The following DIS3L2 variants were observed in gnomAD, a reference collection of about 807,000 sequenced individuals.
DIS3L2 encodes DIS3-like exonuclease 2.
A neutral mutation model predicts 97.5 loss-of-function variants in DIS3L2; 34 were observed. The ratio of observed to expected loss-of-function variants is 0.35; its 90% CI spans 0.27 to 0.46. The LOEUF is 0.46. DIS3L2 is among the 20% of genes least tolerant of loss of function. The pLI, the probability that DIS3L2 is intolerant of heterozygous loss-of-function variation, is 1.00. For missense variants in DIS3L2, 1,038 were observed against 1,146.0 expected (o/e 0.91, Z 1.36); for synonymous variants, 435 against 445.2 (o/e 0.98, Z 0.29).
intron 6 of DIS3L2, among the ~76,000 whole-genome samples, chr2:232,091,297 TC>T (rs1400782134): frequency 1.3e-5 from 2 of 152,250 alleles, no homozygotes; most frequent in East Asian, 3.9e-4. Context: ...TTGCCACTTC[TC>T]CCCACTTACT....
intron 1 of DIS3L2, among the ~76,000 whole-genome samples, chr2:231,976,790 C>G (rs1169214658): frequency 2.3e-4 from 27 of 115,640 alleles, no homozygotes; most frequent in African/African-American, 8.5e-4. Context: ...TTTTTTGAGA[C>G]AGAGTCTCGC....
chr2:232,010,717 A>C (rs922696944), intron 1 of DIS3L2, among the ~76,000 whole-genome samples: 2 of 152,212 alleles, frequency 1.3e-5, no homozygotes, highest in Non-Finnish European at 2.9e-5. Flanking sequence ...AGTGAGATGC[A>C]TAAGGCACAA....
intron 9 of DIS3L2, among the ~76,000 whole-genome samples, chr2:232,174,092 G>T (rs1175873785): frequency 6.6e-6 from 1 of 152,038 alleles, no homozygotes; most frequent in Non-Finnish European, 1.5e-5. Context: ...CATTAATTAG[G>T]TCTTTAATTT....
chr2:232,039,290 G>T (rs1695043167), intron 5 of DIS3L2, among the ~76,000 whole-genome samples: 1 of 152,152 alleles, frequency 6.6e-6, no homozygotes, highest in Admixed American at 6.6e-5. Context: ...CTGACGTCTA[G>T]AATATAAACA....
In DIS3L2 at chr2:232,050,575, C is replaced by T. The variant is rs114681178; in HGVS notation, c.366+20495C>T. Among the ~76,000 whole-genome samples, 1,372 of 152,278 alleles carry T rather than the reference C, an allele frequency of 9.0e-3. 16 individuals are homozygous for T. The highest frequency in any genetic ancestry group is 0.032 in the African/African-American group (1,309 of 41,542). ...ACAGGCGTGAGCCACTGCACCCGGC[C>T]GGTTGTAGACATTTCTTAAGCTTCT... On this transcript the variant is annotated intron_variant, in intron 5 of 20. Coordinates refer to ENST00000325385, the MANE Select transcript of DIS3L2 (RefSeq NM_152383.5).
chr2:232,010,521 C>T (rs1239708180), intron 1 of DIS3L2, among the ~76,000 whole-genome samples: 1 of 151,704 alleles, frequency 6.6e-6, no homozygotes, highest in African/African-American at 2.4e-5. Flanking sequence ...TAATTTTGCC[C>T]TCTTTTTTTT....
intron 1 of DIS3L2, among the ~76,000 whole-genome samples, chr2:231,972,227 G>T (rs867014172): frequency 6.6e-6 from 1 of 152,004 alleles, no homozygotes; most frequent in South Asian, 2.1e-4. Flanking sequence ...AAAAATAGGA[G>T]TATACTCTAA....
At chr2:232,296,319 G>A (rs1694725137) in intron 13 of DIS3L2, among the ~76,000 whole-genome samples, 1 of 152,222 alleles carries the variant, frequency 6.6e-6, no homozygotes, top group African/African-American at 2.4e-5. Flanking sequence ...AGTTCTAATT[G>A]TGGTTTGCTC....
chr2:232,063,674 A>G (rs1695775483), intron 5 of DIS3L2, among the ~76,000 whole-genome samples: 1 of 152,172 alleles, frequency 6.6e-6, no homozygotes, highest in Non-Finnish European at 1.5e-5. Flanking sequence ...GAAGCAAGAC[A>G]CTGCCTTCAT....
At chr2:232,305,357 C>CG (rs1207500107) in intron 14 of DIS3L2, among the ~76,000 whole-genome samples, 1 of 152,124 alleles carries the variant, frequency 6.6e-6, no homozygotes, top group African/African-American at 2.4e-5. Context: ...GGGTTACAGG[C>CG]GTGAGCCACC....
At chr2:231,988,686 G>A (rs1236497596) in intron 1 of DIS3L2, among the ~76,000 whole-genome samples, 1 of 152,164 alleles carries the variant, frequency 6.6e-6, no homozygotes, top group East Asian at 1.9e-4. Context: ...CGTGCTTAGG[G>A]CTGAAAGTCT....
At chr2:232,050,444 ATTT>A (rs766372087) in intron 5 of DIS3L2, among the ~76,000 whole-genome samples, 2 of 136,496 alleles carry the variant, frequency 1.5e-5, no homozygotes. Flanking sequence ...TAATCTTTGT[ATTT>A]TTTTTTTTTT....
At chr2:232,056,370 AAC>A in intron 5 of DIS3L2, among the ~76,000 whole-genome samples, 1 of 7,422 alleles carries the variant, frequency 1.3e-4, no homozygotes, top group Admixed American at 3.8e-3. Flanking sequence ...ATCTCAAAAC[AAC>A]AACAACAACA....
intron 1 of DIS3L2, among the ~76,000 whole-genome samples, chr2:231,973,990 A>G (rs1052860283): frequency 2.6e-5 from 4 of 152,220 alleles, no homozygotes; most frequent in South Asian, 2.1e-4. Flanking sequence ...ATTCATCTCT[A>G]CAGTAAATAA....
intron 1 of DIS3L2, among the ~76,000 whole-genome samples, chr2:232,002,652 A>T (rs1158349890): frequency 6.6e-6 from 1 of 151,948 alleles, no homozygotes; most frequent in Non-Finnish European, 1.5e-5. Flanking sequence ...TTTTTTTGAG[A>T]TGTGAAACAT....
chr2:232,013,624 T>TA (rs2106219214), intron 1 of DIS3L2, among the ~76,000 whole-genome samples: 1 of 152,302 alleles, frequency 6.6e-6, no homozygotes, highest in Non-Finnish European at 1.5e-5. Flanking sequence ...ATCCACATTT[T>TA]AAAAAAACAT....
chr2:232,012,050 G>C (rs1030636354), intron 1 of DIS3L2, among the ~76,000 whole-genome samples: 4 of 152,166 alleles, frequency 2.6e-5, no homozygotes, highest in Non-Finnish European at 5.9e-5. Flanking sequence ...TGCCTGCCTA[G>C]CTGTCCAGCT....
At chr2:232,336,432 T>C in intron 20 of DIS3L2, 37 bp from the exon 21 acceptor site, 3 of 1,594,158 alleles carry the variant, frequency 1.9e-6, no homozygotes, top group Non-Finnish European at 1.7e-6. Context: ...CATCAGGCCC[T>C]GCCATCCTTG....
chr2:232,109,060 A>G (rs1697442939), intron 6 of DIS3L2, among the ~76,000 whole-genome samples: 1 of 152,260 alleles, frequency 6.6e-6, no homozygotes, highest in Non-Finnish European at 1.5e-5. Flanking sequence ...AAACTATTTT[A>G]AAATTCATAT....
Sources: gnomAD v4.1 joint callset for allele counts (sites outside exome capture counted in the v4.1 genomes callset) on GRCh38, gnomAD v4.1.1 for gene constraint, MANE v1.5 for transcripts, NCBI Gene and HGNC (gene_info 2026-07-23, HGNC 2026-07-21) for gene names.